Variants in YTHDC1 observed in about 807,000 individuals in gnomAD.
YTHDC1 encodes the protein YTH domain-containing protein 1.
Under a neutral mutation model 107.0 loss-of-function variants are expected in YTHDC1, and 12 were observed. The ratio of observed to expected loss-of-function variants is 0.11; its 90% confidence interval spans 0.07 to 0.18. YTHDC1 has a LOEUF of 0.18. Ranked by LOEUF, YTHDC1 falls within the 10% of genes least tolerant of loss-of-function variation. YTHDC1 has a pLI of 1.00. For missense variants in YTHDC1, 635 were observed against 898.8 expected, an observed-to-expected ratio of 0.71 and a Z score of 3.75; for synonymous variants, 280 against 289.5, an observed-to-expected ratio of 0.97 and a Z score of 0.33.
intron 15 of YTHDC1, among the ~76,000 whole-genome samples, chr4:68,317,451 TA>T (rs1721987069): frequency 6.6e-6 from 1 of 152,070 alleles, no homozygotes; most frequent in African/African-American, 2.4e-5. Flanking sequence ...CCATATAACA[TA>T]TTGCATTTAA....
chr4:68,338,116 G>GA (rs1287643977), intron 2 of YTHDC1, 167 bp downstream of exon 2: 1 of 873,568 alleles, frequency 1.1e-6, no homozygotes, highest in Non-Finnish European at 1.4e-6. Flanking sequence ...TCATATATTA[G>GA]AAAAAAACAG....
chr4:68,318,194 T>G (rs1240478297), intron 15 of YTHDC1, among the ~76,000 whole-genome samples: 4 of 152,178 alleles, frequency 2.6e-5, no homozygotes, highest in Non-Finnish European at 5.9e-5. Context: ...GCCTCCTGGG[T>G]TGAAGCAATT....
chr4:68,337,883 C>T lies in YTHDC1; in HGVS notation c.148G>A (p.Asp50Asn), dbSNP rs770713864. ...NEKKGSKRKS[D>N]RMESTDTKRQ... ...TTGGTATCAGTAGATTCCATTCGAT[C>T]ACTTTTTCTTTTTGATCCTTTAAAA... The change falls in exon 3 of 17, where the codon GAT becomes AAT. Residue 50 changes from aspartate to asparagine, a missense_variant. Physicochemically the swap from Asp to Asn is conservative, Grantham distance 23 (BLOSUM62 1). Transcript: ENST00000344157. The T allele has an allele frequency of 6.2e-7, 1 of 1,611,110 alleles. No individual in the cohort carries two copies. The highest frequency in any genetic ancestry group is 8.5e-7 in the Non-Finnish European group (1 of 1,179,666).
rs779128117 is a variant in YTHDC1, at chr4:68,337,648, T to C, written c.383A>G (p.Asn128Ser). 1 of 1,614,022 alleles carries C rather than the reference T, an allele frequency of 6.2e-7. No individual in the cohort carries two copies. The highest frequency in any genetic ancestry group is 1.3e-5 in the African/African-American group (1 of 75,022). The change falls in exon 3 of 17, where the codon AAT becomes AGT. Residue 128 changes from asparagine (N) to serine (S), a missense_variant. Coordinates refer to ENST00000344157, the MANE Select transcript of YTHDC1 (RefSeq NM_001031732.4). Reference sequence around the variant, plus strand: ...CCGGACACAGGTTTTTTCAGGTTGATTCTTATAAGGTTCTCTGGAGGCACT... The same window carrying C: ...CCGGACACAGGTTTTTTCAGGTTGACTCTTATAAGGTTCTCTGGAGGCACT... ...SSSASREPYKNQPEKTCVRKR... is the reference protein window; with the variant it reads ...SSSASREPYKSQPEKTCVRKR...
At chr4:68,324,510 A>G (rs1722775229) in intron 9 of YTHDC1, among the ~76,000 whole-genome samples, 1 of 152,236 alleles carries the variant, frequency 6.6e-6, no homozygotes, top group African/African-American at 2.4e-5. Context: ...TTTGATAAAC[A>G]AGAATATCAC....
chr4:68,342,716 C>A (rs552486458), intron 1 of YTHDC1, among the ~76,000 whole-genome samples: 1 of 152,118 alleles, frequency 6.6e-6, no homozygotes, highest in Non-Finnish European at 1.5e-5. Flanking sequence ...TGAAAAAGTA[C>A]ACTTTGCATA....
At chr4:68,337,490 A>C in intron 3 of YTHDC1, 40 bp from the exon 4 acceptor site, 1 of 1,605,624 alleles carries the variant, frequency 6.2e-7, no homozygotes, top group Non-Finnish European at 8.5e-7. Flanking sequence ...GTCATATAAA[A>C]GACAAGGTCA....
At chr4:68,346,039 GTGACTGTGTGCATGTGTGTGCACA>G (rs1247106355) in intron 1 of YTHDC1, among the ~76,000 whole-genome samples, 5 of 150,112 alleles carry the variant, frequency 3.3e-5, no homozygotes, top group Admixed American at 6.6e-5. Flanking sequence ...TTGTGTGCAC[GTGACTGTGTGCATGTGTGTGCACA>G]TGACTGTGTG....
chr4:68,340,693 AAG>A (rs769642252), intron 1 of YTHDC1, among the ~76,000 whole-genome samples: 1 of 152,122 alleles, frequency 6.6e-6, no homozygotes, highest in Non-Finnish European at 1.5e-5. Context: ...AGAAGACAAA[AAG>A]AAAAAATTTC....
intron 1 of YTHDC1, among the ~76,000 whole-genome samples, chr4:68,343,470 G>A (rs1259762409): frequency 6.7e-6 from 1 of 148,998 alleles, no homozygotes; most frequent in Non-Finnish European, 1.5e-5. Flanking sequence ...CCAAAGTCTT[G>A]GGATTATAGG....
chr4:68,349,784 G>A lies in YTHDC1; in HGVS notation c.-31C>T, dbSNP rs756929267. The A allele has an allele frequency of 1.2e-6, 2 of 1,611,420 alleles. No homozygotes were observed. The highest frequency in any genetic ancestry group is 1.7e-6 in the Non-Finnish European group (2 of 1,179,186). On this transcript the variant is annotated 5_prime_UTR_variant, in exon 1 of 17. Transcript: ENST00000344157. ...CCCTTCGGTTTCCGCCGCTGCCACC[G>A]CCGCCGCCGCTTAGACGCGACTCGC... is the stretch of plus-strand genomic sequence containing the variant.
intron 1 of YTHDC1, among the ~76,000 whole-genome samples, chr4:68,346,099 A>ATATATATATG (rs961023477): frequency 1.5e-4 from 21 of 141,476 alleles, no homozygotes; most frequent in South Asian, 6.7e-4. Context: ...ATATATATAT[A>ATATATATATG]TACACACACA....
At chr4:68,335,020 A>T (rs1578055245) in intron 4 of YTHDC1, among the ~76,000 whole-genome samples, 2 of 152,218 alleles carry the variant, frequency 1.3e-5, no homozygotes, top group East Asian at 3.9e-4. Flanking sequence ...TGTATGAATA[A>T]CTCCCAATGC....
intron 9 of YTHDC1, among the ~76,000 whole-genome samples, chr4:68,326,047 A>T (rs899429223): frequency 6.6e-6 from 1 of 152,070 alleles, no homozygotes; most frequent in Non-Finnish European, 1.5e-5. Flanking sequence ...AATAATTTAA[A>T]TTTTTCTTCT....
intron 9 of YTHDC1, among the ~76,000 whole-genome samples, chr4:68,329,281 C>T (rs956231624): frequency 1.3e-5 from 2 of 152,130 alleles, no homozygotes; most frequent in African/African-American, 4.8e-5. Context: ...TTTCCATGCT[C>T]TTCTTGGCTT....
intron 12 of YTHDC1, among the ~76,000 whole-genome samples, chr4:68,319,835 C>T (rs961783801): frequency 1.3e-5 from 2 of 152,076 alleles, no homozygotes; most frequent in Admixed American, 6.5e-5. Flanking sequence ...TTCATAACTA[C>T]TTTTAACCTT....
chr4:68,333,921 G>GTT (rs1056862635), intron 4 of YTHDC1, among the ~76,000 whole-genome samples: 2 of 152,034 alleles, frequency 1.3e-5, no homozygotes, highest in East Asian at 3.9e-4. Flanking sequence ...GCCATTGCTT[G>GTT]TTTTTGTGTC....
rs1013319371 is a variant in YTHDC1, at chr4:68,310,897, G to A, written c.*3202C>T. 2 of 152,138 alleles carry A rather than the reference G, an allele frequency of 1.3e-5. No individual in the cohort carries two copies. The highest frequency in any genetic ancestry group is 4.8e-5 in the African/African-American group (2 of 41,420). The allele number at this position is 152,138 out of a possible 1,614,324, so 9.4% of individuals were successfully genotyped here. A position where few individuals can be genotyped will look rare whatever the true frequency, so the allele number is the denominator to read the frequency against. On this transcript the variant is annotated 3_prime_UTR_variant, in exon 17 of 17. Transcript: ENST00000344157. ...AGACCACGACATTCTACAGCAGAAT[G>A]TAGATATATCCAAGGGCAAGATGCC...
intron 15 of YTHDC1, among the ~76,000 whole-genome samples, chr4:68,318,000 A>G (rs913538873): frequency 5.3e-5 from 8 of 152,230 alleles, no homozygotes; most frequent in Non-Finnish European, 1.2e-4. Flanking sequence ...TTACTACCAT[A>G]ATACACTATT....
Sources: gnomAD v4.1 joint callset for allele counts (sites outside exome capture counted in the v4.1 genomes callset) on GRCh38, gnomAD v4.1.1 for gene constraint, MANE v1.5 for transcripts, NCBI Gene and HGNC (gene_info 2026-07-23, HGNC 2026-07-21) for gene names.